The following UNC13A variants were observed in gnomAD, a reference collection of about 807,000 sequenced individuals.
The protein encoded by UNC13A is unc-13 homolog A, also known as protein unc-13 homolog A.
UNC13A carries 61 observed loss-of-function variants against 219.7 expected under a neutral mutation model. The observed-to-expected ratio is 0.28, with a 90% CI of 0.23 to 0.34. UNC13A has a LOEUF of 0.34. UNC13A is among the 10% of genes least tolerant of loss of function. The pLI is 1.00. For missense variants in UNC13A, 1,476 were observed against 2,270.3 expected (o/e 0.65, Z 7.11); for synonymous variants, 920 against 884.6 (o/e 1.04, Z -0.71).
chr19:17,671,803 A>G (rs1309115849), intron 4 of UNC13A, among the ~76,000 whole-genome samples: 1 of 152,078 alleles, frequency 6.6e-6, no homozygotes, highest in East Asian at 1.9e-4. Context: ...AAAAATAGAC[A>G]TCACTACTAC....
At chr19:17,687,331 C>T (rs962821960) in intron 1 of UNC13A, among the ~76,000 whole-genome samples, 1 of 152,152 alleles carries the variant, frequency 6.6e-6, no homozygotes, top group Non-Finnish European at 1.5e-5. Context: ...CCCTCCCTCC[C>T]TCTCTCCAGT....
intron 39 of UNC13A, among the ~76,000 whole-genome samples, 189 bp downstream of exon 39, chr19:17,618,717 T>C (rs1473242549): frequency 6.6e-6 from 1 of 152,204 alleles, no homozygotes; most frequent in Admixed American, 6.5e-5. Flanking sequence ...TACCTGAAGC[T>C]GAACCATTCA....
rs879456465 is a variant in UNC13A at position 17,649,896 on chromosome 19, C to T, written c.1440-309G>A. Among the ~76,000 whole-genome samples the T allele has an allele frequency of 4.1e-4, 62 of 152,130 alleles. No homozygotes were observed. Among genetic ancestry groups the T allele is most frequent in the African/African-American group, 1.4e-3 (60 of 41,496 alleles). On this transcript the variant is annotated intron_variant, in intron 12 of 43. Transcript: ENST00000519716. The surrounding 1 kb of genome is among the most constrained non-coding windows in gnomAD (Gnocchi z 4.4). ...GCTCTGTGACAGCAGAGGCAGAAAGCGACGTATCTACAAACCAATACTCGG... is the reference window on the plus strand; with the variant it reads ...GCTCTGTGACAGCAGAGGCAGAAAGTGACGTATCTACAAACCAATACTCGG...
intron 26 of UNC13A, 85 bp from the exon 27 acceptor site, chr19:17,633,278 A>C (rs921631064): frequency 3.3e-5 from 42 of 1,281,812 alleles, no homozygotes; most frequent in Middle Eastern, 1.9e-4. Flanking sequence ...CCCACAGAGG[A>C]GTGTAGGGTA....
intron 31 of UNC13A, chr19:17,628,206 G>A (rs996020268): frequency 1.9e-6 from 1 of 517,284 alleles, no homozygotes; most frequent in Admixed American, 3.3e-5. Flanking sequence ...CATGAGAGGG[G>A]CTGGGAACTC....
intron 41 of UNC13A, chr19:17,616,392 A>G: frequency 3.2e-6 from 2 of 631,464 alleles, no homozygotes; most frequent in South Asian, 3.1e-5. Context: ...GGCGGGCGGG[A>G]GGCGGAGGCA....
chr19:17,620,734 A>G lies in UNC13A; in HGVS notation c.4243-12T>C, dbSNP rs772649388. On this transcript the variant is annotated splice_polypyrimidine_tract_variant and intron_variant, in intron 37 of 43. Coordinates refer to ENST00000519716, the MANE Select transcript of UNC13A (RefSeq NM_001080421.3). ...AATTTCACCCTGCCCTGTGGAGAGA[A>G]TCAGGTGGAGGTCAGAGTTCTGGTG... 33 of 1,612,618 alleles carry G rather than the reference A, an allele frequency of 2.0e-5. No individual in the cohort carries two copies.
intron 16 of UNC13A, 26 bp from the exon 17 acceptor site, chr19:17,647,518 A>G: frequency 6.2e-7 from 1 of 1,600,040 alleles, no homozygotes; most frequent in East Asian, 2.2e-5. Context: ...GCCGGCGCTG[A>G]CCCCAGCGCG....
intron 23 of UNC13A, 47 bp from the exon 24 acceptor site, chr19:17,639,572 G>A (rs1249054733): frequency 6.3e-7 from 1 of 1,579,284 alleles, no homozygotes; most frequent in Admixed American, 1.8e-5. Flanking sequence ...AAGGCGTGGG[G>A]AGGATGGGAG....
intron 31 of UNC13A, among the ~76,000 whole-genome samples, 173 bp downstream of exon 31, chr19:17,629,067 C>T (rs952442846): frequency 6.6e-6 from 1 of 152,128 alleles, no homozygotes; most frequent in African/African-American, 2.4e-5. Context: ...CAACTAGATA[C>T]ACTCTGATCA....
At chr19:17,610,123 G>C (rs2076586396) in intron 42 of UNC13A, 24 bp from the exon 43 acceptor site, 1 of 1,613,260 alleles carries the variant, frequency 6.2e-7, no homozygotes, top group African/African-American at 1.3e-5. Flanking sequence ...TAGAGGGTAA[G>C]ACAGGTCAGG....
chr19:17,644,036 C>A (rs1194522779), intron 19 of UNC13A, among the ~76,000 whole-genome samples: 3 of 152,206 alleles, frequency 2.0e-5, no homozygotes, highest in Non-Finnish European at 4.4e-5. Flanking sequence ...TTTCTACCCC[C>A]TCAGATTAGG....
chr19:17,608,729 G>C (rs2144913475), intron 43 of UNC13A, among the ~76,000 whole-genome samples: 1 of 151,764 alleles, frequency 6.6e-6, no homozygotes, highest in South Asian at 2.1e-4. Flanking sequence ...TGTTAGCCAG[G>C]ATGGTCTCGA....
intron 6 of UNC13A, among the ~76,000 whole-genome samples, chr19:17,667,775 A>G (rs1041151182): frequency 1.1e-4 from 13 of 116,614 alleles, no homozygotes; most frequent in African/African-American, 5.1e-4. Flanking sequence ...AAGCCTGGCT[A>G]ATTTTTTTTT....
At chr19:17,609,266 G>C (rs572633512) in intron 43 of UNC13A, among the ~76,000 whole-genome samples, 5 of 151,694 alleles carry the variant, frequency 3.3e-5, no homozygotes, top group Non-Finnish European at 5.9e-5. Context: ...CACCACACTC[G>C]GCCAGAGCAG....
Position 17,612,089 on chromosome 19 carries a change from G to A in UNC13A, c.4559-234C>T, listed in dbSNP as rs1568499042. 4 of 410,400 alleles carry A rather than the reference G, an allele frequency of 9.7e-6. 1 individual carries two copies. In the East Asian group the frequency reaches 1.4e-4, roughly 14 times the overall value. The allele number at this position is 410,400 out of a possible 1,614,324, so 25.4% of individuals were successfully genotyped here. A position where few individuals can be genotyped will look rare whatever the true frequency, so the allele number is the denominator to read the frequency against. ...TGGGTAGATTGCTTAACCTCTCTGA[G>A]CCTAATGCAATTCTTTTCTTTTTTC... On this transcript the variant is annotated intron_variant, in intron 41 of 43. Transcript: ENST00000519716.
chr19:17,676,082 G>A, intron 1 of UNC13A, 41 bp from the exon 2 acceptor site: 1 of 1,547,788 alleles, frequency 6.5e-7, no homozygotes, highest in Non-Finnish European at 8.7e-7. Flanking sequence ...GGTGGGGAGA[G>A]ATGTGGGGAG....
chr19:17,632,839 T>C lies in UNC13A; in HGVS notation c.3371A>G (p.Tyr1124Cys). The C allele has an allele frequency of 6.2e-7, 1 of 1,614,010 alleles. No individual in the cohort carries two copies. Among genetic ancestry groups the C allele is most frequent in the Non-Finnish European group, 8.5e-7 (1 of 1,179,892 alleles). ...GGGAAGTTCCGTCACATACTCATTGTAGAGCCATTTCACCTTGAAGTGGAG... is the reference window on the plus strand; with the variant it reads ...GGGAAGTTCCGTCACATACTCATTGCAGAGCCATTTCACCTTGAAGTGGAG... ...MNLHFKVKWL[Y>C]NEYVTELPAF... The change falls in exon 28 of 44, where the codon TAC (tyrosine) becomes TGC (cysteine). Residue 1124 changes from tyrosine to cysteine, a missense_variant. By Grantham distance (194) the Tyr-to-Cys change is radical. Transcript: ENST00000519716.
chr19:17,646,269 G>GTGTTTGTT (rs3049772), intron 17 of UNC13A, among the ~76,000 whole-genome samples, 158 bp from the exon 18 acceptor site: 13,060 of 150,806 alleles, frequency 0.087, 647 homozygotes, highest in South Asian at 0.12. Flanking sequence ...GGTTTTTTGT[G>GTGTTTGTT]TGTTTGTTTG....
Sources: allele counts gnomAD v4.1 joint callset (sites outside exome capture counted in the v4.1 genomes callset), GRCh38; gene constraint gnomAD v4.1.1; non-coding constraint Gnocchi (gnomAD v3.1); transcripts MANE v1.5; gene names NCBI Gene and HGNC (gene_info 2026-07-23, HGNC 2026-07-21).